The following MME variants were observed in gnomAD, a reference collection of about 807,000 sequenced individuals.
MME encodes the protein membrane metalloendopeptidase.
A neutral mutation model predicts 113.2 loss-of-function variants in MME; 98 were observed. That is an observed-to-expected ratio of 0.87 (90% CI 0.74 to 1.02). MME has a LOEUF of 1.02. MME is among the 50% of genes least tolerant of loss of function. MME has a pLI of 0.00. For missense variants in MME, 836 were observed against 896.0 expected, an observed-to-expected ratio of 0.93 and a Z score of 0.86; for synonymous variants, 292 against 300.6, an observed-to-expected ratio of 0.97 and a Z score of 0.30.
At chr3:155,172,296 C>G (rs2108374774) in intron 21 of MME, 84 bp downstream of exon 21, 1 of 973,322 alleles carries the variant, frequency 1.0e-6, no homozygotes, top group Non-Finnish European at 1.7e-6. Flanking sequence ...ATGCTGAGTT[C>G]CCTTGTTTTA....
At chr3:155,024,528 C>T (rs1317054620) in intron 1 of MME, among the ~76,000 whole-genome samples, 1 of 152,110 alleles carries the variant, frequency 6.6e-6, no homozygotes, top group African/African-American at 2.4e-5. Flanking sequence ...ATAAATAGAG[C>T]TGGCAGTCTG....
At chr3:155,098,860 C>G (rs1044979833) in intron 3 of MME, among the ~76,000 whole-genome samples, 1 of 151,928 alleles carries the variant, frequency 6.6e-6, no homozygotes, top group South Asian at 2.1e-4. Flanking sequence ...TCCACAGGGT[C>G]TCTGATGTTA....
chr3:155,178,339 A>G (rs1712762015), intron 22 of MME, among the ~76,000 whole-genome samples: 1 of 152,184 alleles, frequency 6.6e-6, no homozygotes, highest in African/African-American at 2.4e-5. Context: ...GATGGGTGAC[A>G]TATTAGAAAG....
chr3:155,072,466 C>T (rs1379459458), intron 1 of MME, among the ~76,000 whole-genome samples: 1 of 152,206 alleles, frequency 6.6e-6, no homozygotes, highest in African/African-American at 2.4e-5. Flanking sequence ...TAATATTCTA[C>T]ACAGAGTTTT....
chr3:155,128,219 CT>C (rs1445466803), intron 8 of MME, among the ~76,000 whole-genome samples: 1 of 152,102 alleles, frequency 6.6e-6, no homozygotes, highest in Non-Finnish European at 1.5e-5. Context: ...TAAATCCATT[CT>C]TTTGGGCATG....
chr3:155,175,943 C>T (rs1396589289), intron 22 of MME, among the ~76,000 whole-genome samples: 1 of 151,950 alleles, frequency 6.6e-6, no homozygotes, highest in Non-Finnish European at 1.5e-5. Context: ...TTCTGTTAGC[C>T]CCTCCAATCT....
At chr3:155,092,815 GA>G (rs1247061841) in intron 3 of MME, among the ~76,000 whole-genome samples, 2 of 152,166 alleles carry the variant, frequency 1.3e-5, no homozygotes, top group African/African-American at 4.8e-5. Flanking sequence ...TATAGGGGCA[GA>G]AGACAAATAT....
rs1721135512 is a variant in MME at position 155,142,053 on chromosome 3, T to C, written c.1020T>C (p.Asn340=). ...CAACTGTGAATATTAGTATTACAAA[T>C]GAGGAAGATGTGGTTGTTTATGCTC... ...IMSTVNISIT[N]EEDVVVYAPE... is the part of the protein sequence containing the mutation. The change falls in exon 11 of 23, where the codon AAT becomes AAC. Residue 340 remains asparagine (N), a synonymous_variant. Coordinates refer to ENST00000360490, the MANE Select transcript of MME (RefSeq NM_007289.4). 1 of 1,613,776 alleles carries C rather than the reference T, an allele frequency of 6.2e-7. No individual in the cohort carries two copies. Among genetic ancestry groups the C allele is most frequent in the South Asian group, 1.1e-5 (1 of 91,076 alleles).
intron 1 of MME, among the ~76,000 whole-genome samples, chr3:155,030,063 C>T (rs1712917532): frequency 6.6e-6 from 1 of 152,138 alleles, no homozygotes; most frequent in Non-Finnish European, 1.5e-5. Flanking sequence ...AAAGACATGA[C>T]TTTTAGGTGA....
intron 1 of MME, among the ~76,000 whole-genome samples, chr3:155,055,770 A>T (rs58120007): frequency 0.099 from 15,030 of 152,164 alleles, 1,250 homozygotes; most frequent in African/African-American, 0.23. Context: ...TGTTACCTGA[A>T]GTGATTGCCA....
chr3:155,037,848 A>G (rs1005452082), intron 1 of MME, among the ~76,000 whole-genome samples: 2 of 152,128 alleles, frequency 1.3e-5, no homozygotes, highest in South Asian at 2.1e-4. Context: ...GTGGGAGAAG[A>G]GTTAGCCCAA....
chr3:155,107,990 T>A lies in MME; in HGVS notation c.197-7004T>A, dbSNP rs149053635. ...GGATAAACATCGTTCAGGCATCAGT[T>A]ATAGTGCTGTTGGTGTGAGTTAAAT... On this transcript the variant is annotated intron_variant, in intron 3 of 22. Coordinates refer to ENST00000360490, the MANE Select transcript of MME (RefSeq NM_007289.4). Among the ~76,000 whole-genome samples, 296 of 152,290 alleles carry A rather than the reference T, an allele frequency of 1.9e-3. 6 individuals carry two copies. The highest frequency in any genetic ancestry group is 0.017 in the Admixed American group (267 of 15,290).
chr3:155,024,587 A>C (rs1207556096), intron 1 of MME, among the ~76,000 whole-genome samples: 1 of 152,180 alleles, frequency 6.6e-6, no homozygotes, highest in Non-Finnish European at 1.5e-5. Flanking sequence ...AATGCCATTC[A>C]ACCTTAACTT....
intron 1 of MME, among the ~76,000 whole-genome samples, chr3:155,043,010 C>G (rs184967789): frequency 7.5e-6 from 1 of 134,128 alleles, no homozygotes; most frequent in East Asian, 2.2e-4. Flanking sequence ...GAACACTTTT[C>G]CAAGATACTC....
At chr3:155,049,175 C>T (rs562446460) in intron 1 of MME, among the ~76,000 whole-genome samples, 34 of 152,156 alleles carry the variant, frequency 2.2e-4, no homozygotes, top group African/African-American at 4.8e-4. Context: ...CCAAAATTTA[C>T]GTCTGGAAAC....
At chr3:155,077,200 A>G (rs1348611644), upstream of MME, among the ~76,000 whole-genome samples, 3 of 152,192 alleles carry the variant, frequency 2.0e-5, no homozygotes, top group African/African-American at 2.4e-5. Context: ...TGCTGGCTCA[A>G]TGGTGCATAT....
At chr3:155,152,985 G>A (rs1335741824) in intron 16 of MME, among the ~76,000 whole-genome samples, 1 of 151,902 alleles carries the variant, frequency 6.6e-6, no homozygotes, top group Non-Finnish European at 1.5e-5. Context: ...TTAGCTAAAA[G>A]GGCCTCCCTC....
intron 22 of MME, among the ~76,000 whole-genome samples, chr3:155,177,212 T>C (rs999746347): frequency 2.0e-5 from 3 of 152,148 alleles, no homozygotes; most frequent in South Asian, 4.1e-4. Context: ...AAAAATCCTT[T>C]GGAAAAAATT....
At chr3:155,085,410 T>C (rs1052843010) in intron 3 of MME, 3 of 199,182 alleles carry the variant, frequency 1.5e-5, no homozygotes, top group African/African-American at 6.9e-5. Context: ...AAGTTTCGTA[T>C]CATTGTGTTA....
Sources: allele counts gnomAD v4.1 joint callset (sites outside exome capture counted in the v4.1 genomes callset), GRCh38; gene constraint gnomAD v4.1.1; transcripts MANE v1.5; gene names NCBI Gene and HGNC (gene_info 2026-07-23, HGNC 2026-07-21).